Variants in KCNH1 observed in about 807,000 individuals in gnomAD.
KCNH1 encodes the protein potassium voltage-gated channel subfamily H member 1, also known as voltage-gated delayed rectifier potassium channel KCNH1.
In KCNH1, 27 loss-of-function variants were observed where a neutral mutation model predicts 69.2. The ratio of observed to expected loss-of-function variants is 0.39; its 90% CI spans 0.29 to 0.54. The LOEUF is 0.54. KCNH1 is among the 20% of genes least tolerant of loss of function. The pLI, the probability that KCNH1 is intolerant of heterozygous loss-of-function variation, is 0.68. For synonymous variants in KCNH1, 456 were observed against 487.7 expected, an observed-to-expected ratio of 0.93 and a Z score of 0.86; for missense variants, 798 against 1,261.6, an observed-to-expected ratio of 0.63 and a Z score of 5.57.
chr1:210,881,673 T>A (rs192090708), intron 7 of KCNH1, among the ~76,000 whole-genome samples: 6 of 152,232 alleles, frequency 3.9e-5, no homozygotes, highest in Admixed American at 3.3e-4. Context: ...CTATCGTACA[T>A]CCAGACAATG....
chr1:210,913,103 G>A (rs1376138695), intron 7 of KCNH1, among the ~76,000 whole-genome samples: 1 of 152,212 alleles, frequency 6.6e-6, no homozygotes, highest in Non-Finnish European at 1.5e-5. Flanking sequence ...ACAGAAAGTA[G>A]TCTAAGGTTG....
At chr1:210,798,963 T>A (rs1684377886) in intron 8 of KCNH1, among the ~76,000 whole-genome samples, 1 of 152,112 alleles carries the variant, frequency 6.6e-6, no homozygotes, top group African/African-American at 2.4e-5. Flanking sequence ...TCAGGCATCA[T>A]CCTAGGCTCT....
At chr1:210,726,811 G>GGGGC (rs57376883) in intron 10 of KCNH1, among the ~76,000 whole-genome samples, 12,300 of 149,752 alleles carry the variant, frequency 0.082, 563 homozygotes, top group Middle Eastern at 0.14. Context: ...GTTCCCCGGC[G>GGGGC]GGGGTGGGGT....
At chr1:210,693,945 C>G (rs1047981855) in intron 10 of KCNH1, among the ~76,000 whole-genome samples, 2 of 152,186 alleles carry the variant, frequency 1.3e-5, no homozygotes, top group Admixed American at 1.3e-4. Flanking sequence ...CTTCCCTTAG[C>G]CCTTCCAGAG....
intron 7 of KCNH1, among the ~76,000 whole-genome samples, chr1:210,901,939 T>C (rs1306813864): frequency 1.3e-5 from 2 of 152,172 alleles, no homozygotes; most frequent in Non-Finnish European, 2.9e-5. Flanking sequence ...TCAAAATACC[T>C]TTTCCTGGCT....
At chr1:211,007,168 G>A (rs1397868839) in intron 6 of KCNH1, among the ~76,000 whole-genome samples, 2 of 152,118 alleles carry the variant, frequency 1.3e-5, no homozygotes, top group African/African-American at 4.8e-5. Flanking sequence ...CATCCCTGAG[G>A]CACGATATTT....
chr1:210,802,403 T>C (rs1173209647), intron 8 of KCNH1, among the ~76,000 whole-genome samples: 1 of 152,206 alleles, frequency 6.6e-6, no homozygotes, highest in Non-Finnish European at 1.5e-5. Context: ...ATCTTTCTGT[T>C]TTCCTCATTC....
At chr1:210,827,486 T>A (rs1481777288) in intron 7 of KCNH1, among the ~76,000 whole-genome samples, 1 of 152,234 alleles carries the variant, frequency 6.6e-6, no homozygotes, top group Non-Finnish European at 1.5e-5. Context: ...AGATCAAAGA[T>A]GACTAAGACA....
intron 5 of KCNH1, among the ~76,000 whole-genome samples, chr1:211,066,413 A>C (rs150337978): frequency 0.016 from 2,462 of 152,336 alleles, 62 homozygotes; most frequent in African/African-American, 0.055. Context: ...AGTCTAAACA[A>C]AAAATTCATT....
chr1:210,800,914 G>T (rs1304186060), intron 8 of KCNH1, among the ~76,000 whole-genome samples: 1 of 152,202 alleles, frequency 6.6e-6, no homozygotes, highest in Admixed American at 6.5e-5. Flanking sequence ...CTCACTAGAT[G>T]CGTGAATGTG....
At chr1:210,714,036 G>A (rs1682149423) in intron 10 of KCNH1, among the ~76,000 whole-genome samples, 1 of 152,094 alleles carries the variant, frequency 6.6e-6, no homozygotes, top group African/African-American at 2.4e-5. Flanking sequence ...AACCTACGGG[G>A]CTAATATGCT....
chr1:210,998,738 C>G (rs1325612887), intron 6 of KCNH1, among the ~76,000 whole-genome samples: 1 of 152,154 alleles, frequency 6.6e-6, no homozygotes, highest in Admixed American at 6.5e-5. Context: ...CACACCTAAT[C>G]CAAAATTGAC....
intron 9 of KCNH1, among the ~76,000 whole-genome samples, chr1:210,783,328 T>C (rs1161310062): frequency 6.6e-6 from 1 of 152,150 alleles, no homozygotes; most frequent in Non-Finnish European, 1.5e-5. Flanking sequence ...TAATGCTAGG[T>C]GATGGAAAGA....
intron 9 of KCNH1, among the ~76,000 whole-genome samples, chr1:210,795,170 A>G (rs1684283900): frequency 6.6e-6 from 1 of 151,874 alleles, no homozygotes; most frequent in African/African-American, 2.4e-5. Flanking sequence ...TTGTTTTGTG[A>G]GACAGGGTCT....
At chr1:210,874,341 T>G (rs1686319090) in intron 7 of KCNH1, among the ~76,000 whole-genome samples, 1 of 152,236 alleles carries the variant, frequency 6.6e-6, no homozygotes, top group African/African-American at 2.4e-5. Context: ...TTTAAGACAA[T>G]TCAAGTTAGA....
At position 210,828,422 on chromosome 1, in the gene KCNH1, C is replaced by T. The variant is rs562398550; in HGVS notation, c.1463-24256G>A. ...AATTGGGCATTGATAAGGACTGACT[C>T]CTGAACGTTCCCATAGTAACATCTA... is the stretch of plus-strand genomic sequence containing the variant. On this transcript the variant is annotated intron_variant, in intron 7 of 10. Transcript: ENST00000271751. 3.9e-5 allele frequency among the ~76,000 whole-genome samples: 6 copies of T among 152,254 alleles called. No individual in the cohort carries two copies. The South Asian group carries it at 1.2e-3, about 32-fold the overall frequency.
chr1:210,895,816 T>G (rs1167915435), intron 7 of KCNH1, among the ~76,000 whole-genome samples: 2 of 151,982 alleles, frequency 1.3e-5, no homozygotes, highest in African/African-American at 4.8e-5. Context: ...GGCAGGACTG[T>G]CTCTCTGCTT....
chr1:211,015,651 G>A (rs1689478623), intron 6 of KCNH1, among the ~76,000 whole-genome samples: 2 of 152,172 alleles, frequency 1.3e-5, no homozygotes, highest in South Asian at 2.1e-4. Context: ...CTTGGAGCTG[G>A]CAGGAAACTC....
At chr1:210,842,123 A>G (rs1233102182) in intron 7 of KCNH1, among the ~76,000 whole-genome samples, 1 of 152,176 alleles carries the variant, frequency 6.6e-6, no homozygotes, top group Non-Finnish European at 1.5e-5. Flanking sequence ...TGTCCCCACC[A>G]GCTCTGGATT....
Sources: allele counts gnomAD v4.1 joint callset (sites outside exome capture counted in the v4.1 genomes callset), GRCh38; gene constraint gnomAD v4.1.1; transcripts MANE v1.5; gene names NCBI Gene and HGNC (gene_info 2026-07-23, HGNC 2026-07-21).